The following ANKRD66 variants were observed in gnomAD, a reference collection of about 807,000 sequenced individuals.
ANKRD66 encodes the protein ankyrin repeat domain-containing protein 66.
In ANKRD66, 10 loss-of-function variants were observed where a neutral mutation model predicts 10.9. The ratio of observed to expected loss-of-function variants is 0.91; its 90% CI spans 0.56 to 1.55. The LOEUF is 1.55. ANKRD66 is among the 40% of genes most tolerant of loss of function. The probability of loss-of-function intolerance (pLI) is 0.00; values close to 1 mark genes in which losing one functional copy is unlikely to be tolerated. For synonymous variants in ANKRD66, 85 were observed against 88.4 expected (o/e 0.96, Z 0.22); for missense variants, 252 against 242.9 (o/e 1.04, Z -0.25).
At chr6:46,751,494 T>A (rs1001584183) in intron 2 of ANKRD66, among the ~76,000 whole-genome samples, 4 of 152,210 alleles carry the variant, frequency 2.6e-5, no homozygotes, top group Non-Finnish European at 5.9e-5. Flanking sequence ...CAATATAATT[T>A]TTTTTTGCAA....
chr6:46,758,931 C>G lies in ANKRD66; in HGVS notation c.*10C>G. ...GGGGAGGAGAGTATGAGAACTCAAC[C>G]TTATGTTTTCTGGCAAGGAACTTTC... On this transcript the variant is annotated 3_prime_UTR_variant, in exon 5 of 5. Transcript: ENST00000565422. 2.0e-6 allele frequency: 3 copies of G among 1,530,256 alleles called. No homozygotes were observed. The highest frequency in any genetic ancestry group is 2.6e-6 in the Non-Finnish European group (3 of 1,136,770). The allele number at this position is 1,530,256 out of a possible 1,614,324, so 94.8% of individuals were successfully genotyped here.
At chr6:46,757,620 C>A (rs984540726) in intron 4 of ANKRD66, 1 of 152,148 alleles carries the variant, frequency 6.6e-6, no homozygotes, top group Non-Finnish European at 1.5e-5. Context: ...AAGTTGGCTC[C>A]TGGGCTAGGT....
chr6:46,759,013 A>G lies in ANKRD66; in HGVS notation c.*92A>G. On this transcript the variant is annotated 3_prime_UTR_variant, in exon 5 of 5. Coordinates refer to ENST00000565422, the MANE Select transcript of ANKRD66 (RefSeq NM_001162435.3). ...GTGGCCTTTCCATGACTTTACTCAT[A>G]GACCCTTACCCACCTGGCTTCTGCC... 1.5e-6 allele frequency: 2 copies of G among 1,304,136 alleles called. No homozygotes were observed. Among genetic ancestry groups the G allele is most frequent in the Non-Finnish European group, 1.0e-6 (1 of 962,022 alleles). 80.8% of individuals were successfully genotyped at this position (1,304,136 alleles called of 1,614,324 possible).
chr6:46,759,093 C>G lies in ANKRD66; in HGVS notation c.*172C>G. ...TGGGCTGTTGTTTCCTGGCTAGCAC[C>G]TACTGTGTACAATAATTACCGGGAA... On this transcript the variant is annotated 3_prime_UTR_variant, in exon 5 of 5. Transcript: ENST00000565422. 1.9e-6 allele frequency: 1 copy of G among 536,766 alleles called. No individual in the cohort carries two copies. The highest frequency in any genetic ancestry group is 3.2e-6 in the Non-Finnish European group (1 of 315,918). The allele number at this position is 536,766 out of a possible 1,614,324, so 33.3% of individuals were successfully genotyped here. A position where few individuals can be genotyped will look rare whatever the true frequency, so the allele number is the denominator to read the frequency against.
At chr6:46,752,147 G>T (rs1766283953) in intron 3 of ANKRD66, 36 bp downstream of exon 3, 1 of 1,412,734 alleles carries the variant, frequency 7.1e-7, no homozygotes, top group African/African-American at 1.5e-5. Flanking sequence ...CTGCCCTTTT[G>T]AGTCCACCAT....
intron 4 of ANKRD66, 149 bp from the exon 5 acceptor site, chr6:46,758,574 T>C (rs1342192040): frequency 2.9e-6 from 2 of 678,378 alleles, no homozygotes; most frequent in South Asian, 3.3e-5. Context: ...TCTGAGACCT[T>C]CCCTAAGTGT....
At chr6:46,749,473 G>A (rs746441011) in intron 1 of ANKRD66, among the ~76,000 whole-genome samples, 1 of 151,966 alleles carries the variant, frequency 6.6e-6, no homozygotes, top group African/African-American at 2.4e-5. Context: ...CCAGGCAAGG[G>A]GGGCAGGGTG....
intron 3 of ANKRD66, 71 bp from the exon 4 acceptor site, chr6:46,753,651 T>C: frequency 7.1e-7 from 1 of 1,406,712 alleles, no homozygotes; most frequent in Non-Finnish European, 9.5e-7. Flanking sequence ...TTACCTAGAC[T>C]GGCCCTGGCC....
chr6:46,754,445 C>A (rs1766332384), intron 4 of ANKRD66, among the ~76,000 whole-genome samples: 1 of 152,156 alleles, frequency 6.6e-6, no homozygotes, highest in Admixed American at 6.5e-5. Flanking sequence ...TAACTAGCAC[C>A]TGTTTATTTT....
At position 46,758,806 on chromosome 6, in the gene ANKRD66, C is replaced by T; in HGVS notation, c.476C>T (p.Ala159Val). ...PLDERDEDWD[A>V]KKRELELSLP... ...GATGAGCGTGATGAAGACTGGGATG[C>T]CAAGAAAAGGGAGCTGGAGCTGTCT... Residue 159 changes from alanine to valine, a missense_variant, in exon 5 of 5, where the codon GCC becomes GTC. By Grantham distance (64) the Ala-to-Val change is moderately conservative. Transcript: ENST00000565422. 6.4e-7 allele frequency: 1 copy of T among 1,551,412 alleles called. No homozygotes were observed. Among genetic ancestry groups the T allele is most frequent in the Non-Finnish European group, 8.7e-7 (1 of 1,146,864 alleles).
intron 2 of ANKRD66, among the ~76,000 whole-genome samples, 164 bp downstream of exon 2, chr6:46,750,143 T>C (rs1235847096): frequency 2.6e-5 from 4 of 152,154 alleles, no homozygotes; most frequent in African/African-American, 9.7e-5. Flanking sequence ...CAAGTGGCAC[T>C]CTCTCCACTC....
intron 4 of ANKRD66, among the ~76,000 whole-genome samples, chr6:46,754,396 T>C (rs543309375): frequency 6.6e-6 from 1 of 152,318 alleles, no homozygotes; most frequent in East Asian, 1.9e-4. Flanking sequence ...AACTTCTATG[T>C]TCATCTGTGA....
intron 1 of ANKRD66, among the ~76,000 whole-genome samples, chr6:46,749,058 T>C (rs1489822071): frequency 1.3e-5 from 2 of 152,208 alleles, no homozygotes; most frequent in African/African-American, 4.8e-5. Flanking sequence ...ATTTAAGGTG[T>C]TGAACCTCCA....
In ANKRD66 at chr6:46,753,827, T is replaced by C. The variant is rs1481042130; in HGVS notation, c.269T>C (p.Leu90Pro). The C allele has an allele frequency of 1.3e-6, 2 of 1,551,736 alleles. No homozygotes were observed. The highest frequency in any genetic ancestry group is 2.0e-5 in the Admixed American group (1 of 51,008). ...CATTTTGCAGCAGAAGCAGGCCATC[T>C]GAATATACTCAAAACTCTCCATGCA... ...PAHFAAEAGH[L>P]NILKTLHALH... Residue 90 changes from leucine to proline, a missense_variant, in exon 4 of 5, where the codon CTG becomes CCG. Coordinates refer to ENST00000565422, the MANE Select transcript of ANKRD66 (RefSeq NM_001162435.3).
chr6:46,753,536 G>T (rs1766311843), intron 3 of ANKRD66, among the ~76,000 whole-genome samples, 186 bp from the exon 4 acceptor site: 1 of 152,154 alleles, frequency 6.6e-6, no homozygotes, highest in Non-Finnish European at 1.5e-5. Flanking sequence ...GGTTCGTGGG[G>T]TGAGGTAGGG....
chr6:46,759,161 G>T lies in ANKRD66; in HGVS notation c.*240G>T. The T allele has an allele frequency of 2.9e-6, 1 of 343,284 alleles. No individual in the cohort carries two copies. 21.3% of individuals were successfully genotyped at this position (343,284 alleles called of 1,614,324 possible). On this transcript the variant is annotated 3_prime_UTR_variant, in exon 5 of 5. Transcript: ENST00000565422. Reference sequence around the variant, plus strand: ...CATTTTGTCATCAGTGGTTTGCACAGTCAGCATCTTTTGACCCCTGCCCCC... The same window carrying T: ...CATTTTGTCATCAGTGGTTTGCACATTCAGCATCTTTTGACCCCTGCCCCC...
At chr6:46,757,085 GAC>G (rs979494667) in intron 4 of ANKRD66, 1 of 152,138 alleles carries the variant, frequency 6.6e-6, no homozygotes, top group Non-Finnish European at 1.5e-5. Context: ...AAAGTAGGCA[GAC>G]AGTGTTGAGC....
At chr6:46,747,046 C>G in intron 1 of ANKRD66, 56 bp downstream of exon 1, 1 of 1,502,302 alleles carries the variant, frequency 6.7e-7, no homozygotes, top group Non-Finnish European at 8.9e-7. Flanking sequence ...AAATCACTCA[C>G]ATTTATTAAA....
chr6:46,751,860 A>T (rs978551004), intron 2 of ANKRD66, 77 bp from the exon 3 acceptor site: 1 of 1,324,392 alleles, frequency 7.6e-7, no homozygotes, highest in Non-Finnish European at 9.8e-7. Context: ...GAAATAAATG[A>T]TACAGAAGTC....
Sources: gnomAD v4.1 joint callset for allele counts (sites outside exome capture counted in the v4.1 genomes callset) on GRCh38, gnomAD v4.1.1 for gene constraint, MANE v1.5 for transcripts, NCBI Gene and HGNC (gene_info 2026-07-23, HGNC 2026-07-21) for gene names.